SETDB1: variants seen among roughly 807,000 people sequenced by gnomAD.
SETDB1 encodes the protein SET domain bifurcated histone lysine methyltransferase 1, also known as histone-lysine N-methyltransferase SETDB1.
A neutral mutation model predicts 137.4 loss-of-function variants in SETDB1; 31 were observed. The ratio of observed to expected loss-of-function variants is 0.23; its 90% CI spans 0.17 to 0.30. The LOEUF (loss-of-function observed/expected upper bound fraction) is 0.30, where lower values mean the gene tolerates loss of function less well. Ranked by LOEUF, SETDB1 falls within the 10% of genes least tolerant of loss-of-function variation. The pLI is 1.00. For missense variants in SETDB1, 1,113 were observed against 1,631.5 expected (o/e 0.68, Z 5.47); for synonymous variants, 548 against 579.9 (o/e 0.95, Z 0.79).
intron 14 of SETDB1, among the ~76,000 whole-genome samples, chr1:150,952,718 A>G (rs1300202750): frequency 6.6e-6 from 1 of 151,796 alleles, no homozygotes; most frequent in East Asian, 1.9e-4. Context: ...CGTCTCTACT[A>G]AAAATACAAA....
rs1395579033 is a variant in SETDB1 at position 150,944,011 on chromosome 1, ATTCC to A, written c.949+21_949+24del. The A allele has an allele frequency of 2.6e-6, 4 of 1,557,128 alleles. No individual in the cohort carries two copies. The highest frequency in any genetic ancestry group is 8.9e-7 in the Non-Finnish European group (1 of 1,128,252). On this transcript the variant is annotated intron_variant, in intron 8 of 21. Transcript: ENST00000692827. Reference sequence around the variant, plus strand: ...CCGGCCACGTGAGTGTTTCTCCCTTATTCCTTAGCTCAGTTTTCTCCTCTACCTT... The same window carrying A: ...CCGGCCACGTGAGTGTTTCTCCCTTATTAGCTCAGTTTTCTCCTCTACCTT...
chr1:150,959,678 C>G (rs1412286575), intron 15 of SETDB1, among the ~76,000 whole-genome samples: 2 of 152,096 alleles, frequency 1.3e-5, no homozygotes, highest in Non-Finnish European at 2.9e-5. Context: ...TACTCTGTTT[C>G]AATAAAGTAG....
At chr1:150,944,079 G>A (rs972857346) in intron 8 of SETDB1, 86 bp downstream of exon 8, 9 of 954,646 alleles carry the variant, frequency 9.4e-6, no homozygotes, top group Non-Finnish European at 1.5e-5. Context: ...AAGCCCTAGT[G>A]TTTTTGGTAT....
At chr1:150,926,554 G>A in intron 1 of SETDB1, 37 bp downstream of exon 1, 1 of 374,748 alleles carries the variant, frequency 2.7e-6, no homozygotes, top group Non-Finnish European at 5.2e-6. Flanking sequence ...GGTGACCAAA[G>A]GCTTATCTGG....
At chr1:150,948,270 A>AT (rs376302541) in intron 10 of SETDB1, among the ~76,000 whole-genome samples, 44,439 of 135,816 alleles carry the variant, frequency 0.33, 7,679 homozygotes, top group South Asian at 0.49. Context: ...CAGAGTAGCA[A>AT]TTTTTTTTTT....
chr1:150,963,751 C>G lies in SETDB1; in HGVS notation c.3672+10C>G, dbSNP rs749581658. ...GGGCCGCTACCTCAACGTGAGACCC[C>G]TCTCCCCACCTCTAGATGCTGGATT... On this transcript the variant is annotated intron_variant, in intron 20 of 21. Coordinates refer to ENST00000692827, the MANE Select transcript of SETDB1 (RefSeq NM_001366418.1). 1.2e-6 allele frequency: 2 copies of G among 1,611,170 alleles called. No homozygotes were observed. The highest frequency in any genetic ancestry group is 1.7e-6 in the Non-Finnish European group (2 of 1,177,434).
intron 3 of SETDB1, among the ~76,000 whole-genome samples, chr1:150,934,557 T>C (rs925711375): frequency 5.9e-5 from 9 of 152,230 alleles, no homozygotes; most frequent in African/African-American, 2.2e-4. Context: ...TTGTCAAATA[T>C]ATTATAGCTA....
intron 16 of SETDB1, chr1:150,961,492 A>G (rs970403850): frequency 1.4e-4 from 46 of 339,430 alleles, no homozygotes; most frequent in Non-Finnish European, 2.2e-4. Context: ...CGTCTCTACT[A>G]AAAAATACAA....
intron 10 of SETDB1, among the ~76,000 whole-genome samples, chr1:150,948,230 A>G (rs1363993105): frequency 6.6e-6 from 1 of 151,884 alleles, no homozygotes; most frequent in Non-Finnish European, 1.5e-5. Flanking sequence ...CACTGTCTAT[A>G]AAAAGAAAAA....
chr1:150,956,534 A>C (rs866612387), intron 14 of SETDB1, among the ~76,000 whole-genome samples: 6 of 152,216 alleles, frequency 3.9e-5, no homozygotes, highest in Admixed American at 6.5e-5. Context: ...ATCAGCTGTA[A>C]ACAGAGGATA....
intron 4 of SETDB1, among the ~76,000 whole-genome samples, chr1:150,940,913 G>A (rs184223894): frequency 5.9e-5 from 9 of 151,712 alleles, no homozygotes; most frequent in Middle Eastern, 3.2e-3. Context: ...CAGGTGAATC[G>A]CTTGAACCCG....
chr1:150,962,777 C>T (rs1040396593), intron 18 of SETDB1, 58 bp downstream of exon 18: 2 of 1,571,090 alleles, frequency 1.3e-6, no homozygotes, highest in Non-Finnish European at 1.7e-6. Flanking sequence ...ATTGTCACCT[C>T]ATCAAGTCCT....
At chr1:150,933,755 CT>C (rs1558012158) in intron 3 of SETDB1, among the ~76,000 whole-genome samples, 2 of 10,778 alleles carry the variant, frequency 1.9e-4, no homozygotes, top group Non-Finnish European at 8.3e-4. Flanking sequence ...TTTTCTTTTT[CT>C]TTTTCTTTTT....
chr1:150,946,191 T>C (rs1407181023), intron 9 of SETDB1, among the ~76,000 whole-genome samples: 3 of 151,812 alleles, frequency 2.0e-5, no homozygotes, highest in Non-Finnish European at 4.4e-5. Context: ...GGCTGATTTT[T>C]GTATTTTTAG....
At position 150,960,991 on chromosome 1, in the gene SETDB1, C is replaced by T. The variant is rs1242014722; in HGVS notation, c.2932C>T (p.Pro978Ser). The change falls in exon 16 of 22, where the codon CCC becomes TCC. Residue 978 changes from proline to serine, a missense_variant. Pro to Ser is a moderately conservative substitution (Grantham distance 74). Transcript: ENST00000692827. ...GCNPPSSEET[P>S]KNKVASWLSC... is the part of the protein sequence containing the mutation. ...CAATCCACCTTCCTCCGAAGAGACACCCAAGAACAAGGTGGCCTCATGGTT... is the reference window on the plus strand; with the variant it reads ...CAATCCACCTTCCTCCGAAGAGACATCCAAGAACAAGGTGGCCTCATGGTT... 1 of 1,614,002 alleles carries T rather than the reference C, an allele frequency of 6.2e-7. No individual in the cohort carries two copies. Among genetic ancestry groups the T allele is most frequent in the South Asian group, 1.1e-5 (1 of 91,062 alleles).
intron 3 of SETDB1, among the ~76,000 whole-genome samples, chr1:150,931,143 C>T (rs1669722301): frequency 6.6e-6 from 1 of 151,494 alleles, no homozygotes; most frequent in Non-Finnish European, 1.5e-5. Flanking sequence ...CCCAGTAATC[C>T]CAGCTACTTG....
At chr1:150,950,331 AATC>A (rs1670460666) in intron 12 of SETDB1, 124 bp from the exon 13 acceptor site, 4 of 817,770 alleles carry the variant, frequency 4.9e-6, no homozygotes, top group Non-Finnish European at 7.8e-6. Flanking sequence ...ATCTTTCTTG[AATC>A]ATCTTTAGCT....
rs149122369 is a variant in SETDB1 at position 150,953,849 on chromosome 1, TA to T, written c.2333+2378del. Among the ~76,000 whole-genome samples, 130 of 149,802 alleles carry T rather than the reference TA, an allele frequency of 8.7e-4. 1 individual carries two copies. Among genetic ancestry groups the T allele is most frequent in the East Asian group, 2.3e-3 (12 of 5,118 alleles). ...GTCTCAAAAAAAATGATTTAAAAATTAAAAAAAAAATTTTTTTTTTTTTTAG... is the reference window on the plus strand; with the variant it reads ...GTCTCAAAAAAAATGATTTAAAAATTAAAAAAAAATTTTTTTTTTTTTTAG... On this transcript the variant is annotated intron_variant, in intron 14 of 21. Coordinates refer to ENST00000692827, the MANE Select transcript of SETDB1 (RefSeq NM_001366418.1).
At chr1:150,953,917 T>G (rs925458903) in intron 14 of SETDB1, among the ~76,000 whole-genome samples, 1 of 151,192 alleles carries the variant, frequency 6.6e-6, no homozygotes, top group Non-Finnish European at 1.5e-5. Flanking sequence ...TGCAGTGGCG[T>G]GATCTCAGCT....
Sources: gnomAD v4.1 joint callset for allele counts (sites outside exome capture counted in the v4.1 genomes callset) on GRCh38, gnomAD v4.1.1 for gene constraint, MANE v1.5 for transcripts, NCBI Gene and HGNC (gene_info 2026-07-23, HGNC 2026-07-21) for gene names.